The following RASA3 variants were observed in gnomAD, a reference collection of about 807,000 sequenced individuals.
RASA3 encodes ras GTPase-activating protein 3.
Under a neutral mutation model 110.0 loss-of-function variants are expected in RASA3, and 73 were observed. The ratio of observed to expected loss-of-function variants is 0.66; its 90% CI spans 0.55 to 0.81. RASA3 has a LOEUF of 0.81. RASA3 is among the 30% of genes least tolerant of loss of function. RASA3 has a pLI of 0.00. For missense variants in RASA3, 976 were observed against 1,113.2 expected (o/e 0.88, Z 1.75); for synonymous variants, 500 against 451.4 (o/e 1.11, Z -1.37).
intron 21 of RASA3, among the ~76,000 whole-genome samples, chr13:113,995,856 G>GACCCGGCTGACGGGGGGA (rs774135204): frequency 8.0e-5 from 2 of 24,914 alleles, no homozygotes; most frequent in African/African-American, 9.4e-4. Flanking sequence ...CTGACGGGGG[G>GACCCGGCTGACGGGGGGA]CCCGGCTGAT....
At chr13:114,126,932 G>A (rs753255066) in intron 1 of RASA3, among the ~76,000 whole-genome samples, 18 of 151,990 alleles carry the variant, frequency 1.2e-4, no homozygotes, top group East Asian at 1.9e-4. Context: ...CTACGTCCAC[G>A]TCTCCCCCGA....
intron 2 of RASA3, among the ~76,000 whole-genome samples, chr13:114,068,268 C>T (rs1013274596): frequency 5.3e-5 from 8 of 152,242 alleles, no homozygotes; most frequent in African/African-American, 1.9e-4. Flanking sequence ...CCAGCCTCAA[C>T]CCCAGTGGCA....
At chr13:113,989,001 C>G (rs1450187478) in intron 22 of RASA3, among the ~76,000 whole-genome samples, 2 of 149,108 alleles carry the variant, frequency 1.3e-5, no homozygotes, top group Non-Finnish European at 3.0e-5. Flanking sequence ...ACCCATCGGC[C>G]CATCCACCCA....
At chr13:114,121,844 G>A (rs1004359003) in intron 1 of RASA3, among the ~76,000 whole-genome samples, 4 of 152,198 alleles carry the variant, frequency 2.6e-5, no homozygotes, top group African/African-American at 9.7e-5. Flanking sequence ...CCCGCCACAC[G>A]CTCAGGAAGG....
intron 2 of RASA3, among the ~76,000 whole-genome samples, chr13:114,054,157 A>C (rs1381973393): frequency 6.6e-6 from 1 of 152,230 alleles, no homozygotes; most frequent in African/African-American, 2.4e-5. Context: ...AAAAATAAAA[A>C]GTGAAAAGAC....
intron 10 of RASA3, among the ~76,000 whole-genome samples, 167 bp downstream of exon 10, chr13:114,018,596 C>G (rs2053846238): frequency 6.6e-6 from 1 of 152,204 alleles, no homozygotes; most frequent in South Asian, 2.1e-4. Flanking sequence ...CCAGTGCCCC[C>G]AGCAAAGGGG....
rs959301201 is a variant in RASA3 at position 114,114,029 on chromosome 13, C to T, written c.55+18406G>A. On this transcript the variant is annotated intron_variant, in intron 1 of 23. Coordinates refer to ENST00000334062, the MANE Select transcript of RASA3 (RefSeq NM_007368.4). The surrounding 1 kb of genome is among the most constrained non-coding windows in gnomAD (Gnocchi z 4.8). ...GCGTCCATCAGTCCACCCACCATGGCGAGTGATGTCCGTATAGCTCACACC... is the reference window on the plus strand; with the variant it reads ...GCGTCCATCAGTCCACCCACCATGGTGAGTGATGTCCGTATAGCTCACACC... 6.6e-6 allele frequency among the ~76,000 whole-genome samples: 1 copy of T among 151,750 alleles called. No homozygotes were observed. Among genetic ancestry groups the T allele is most frequent in the Non-Finnish European group, 1.5e-5 (1 of 67,964 alleles).
In RASA3 at chr13:114,013,383, C is replaced by CTCTCTCTCTCTCTG. The variant is rs1555328552; in HGVS notation, c.1406-136_1406-135insCAGAGAGAGAGAGA. The CTCTCTCTCTCTCTG allele has an allele frequency of 3.8e-5, 21 of 554,090 alleles. No homozygotes were observed. The South Asian group carries it at 4.2e-4, about 11-fold the overall frequency. 34.3% of individuals were successfully genotyped at this position (554,090 alleles called of 1,614,324 possible). ...GCTCTATCTCCACCTGTGTCTGTCT[C>CTCTCTCTCTCTCTG]TCTCCCTCTCTCTGTTTCCCTCTCT... On this transcript the variant is annotated intron_variant, in intron 14 of 23. Coordinates refer to ENST00000334062, the MANE Select transcript of RASA3 (RefSeq NM_007368.4).
At chr13:114,083,484 T>C (rs1387890090) in intron 1 of RASA3, among the ~76,000 whole-genome samples, 1 of 152,256 alleles carries the variant, frequency 6.6e-6, no homozygotes, top group Non-Finnish European at 1.5e-5. Context: ...CCAGCAGCAA[T>C]GGCGTGCCGT....
chr13:113,992,367 T>G (rs1022976991), intron 22 of RASA3, 118 bp downstream of exon 22: 1 of 721,572 alleles, frequency 1.4e-6, no homozygotes, highest in Non-Finnish European at 2.3e-6. Context: ...CAACTACATG[T>G]AGCCCACACT....
intron 3 of RASA3, among the ~76,000 whole-genome samples, chr13:114,045,338 G>A (rs1165297416): frequency 1.3e-5 from 2 of 152,212 alleles, no homozygotes; most frequent in Non-Finnish European, 2.9e-5. Flanking sequence ...CTCACCACGA[G>A]AGGCCGGAAG....
intron 19 of RASA3, among the ~76,000 whole-genome samples, chr13:114,000,382 A>G (rs1312733235): frequency 2.0e-5 from 3 of 152,050 alleles, no homozygotes; most frequent in South Asian, 2.1e-4. Context: ...TCCCCAGAAC[A>G]TGTTCCCGTT....
chr13:114,052,247 G>T (rs2079157868), intron 2 of RASA3, 92 bp from the exon 3 acceptor site: 2 of 819,770 alleles, frequency 2.4e-6, no homozygotes, highest in Admixed American at 2.1e-5. Context: ...TTTTAAACAT[G>T]CCATAAGAAT....
chr13:114,132,306 G>A (rs1390147576), intron 1 of RASA3, 129 bp downstream of exon 1: 3 of 1,013,100 alleles, frequency 3.0e-6, no homozygotes, highest in Admixed American at 4.1e-5. Flanking sequence ...CCGTTCTCCG[G>A]GGAGCGCGCC....
chr13:114,048,678 G>A lies in RASA3; in HGVS notation c.277+3374C>T, dbSNP rs892775239. ...GGAATCCCGAAGGAGCCTGCGCCCC[G>A]TGTGTCCCGCAGGTCACGGCCCTGC... is the stretch of plus-strand genomic sequence containing the variant. On this transcript the variant is annotated intron_variant, in intron 3 of 23. Transcript: ENST00000334062. This position sits in a 1 kb window ranked among gnomAD's most constrained non-coding sequence, Gnocchi z 4.3. Among the ~76,000 whole-genome samples, 2 of 152,234 alleles carry A rather than the reference G, an allele frequency of 1.3e-5. No individual in the cohort carries two copies. Among genetic ancestry groups the A allele is most frequent in the African/African-American group, 4.8e-5 (2 of 41,460 alleles).
At chr13:114,031,296 T>G (rs1161967220) in intron 4 of RASA3, among the ~76,000 whole-genome samples, 1 of 152,084 alleles carries the variant, frequency 6.6e-6, no homozygotes, top group Non-Finnish European at 1.5e-5. Context: ...TGCCTGTCGG[T>G]GTCTGCCTGT....
intron 18 of RASA3, among the ~76,000 whole-genome samples, chr13:114,005,735 C>T (rs977695606): frequency 1.3e-5 from 2 of 151,948 alleles, no homozygotes; most frequent in Non-Finnish European, 1.5e-5. Context: ...GCCCCCATCC[C>T]TTTCTCCCCT....
chr13:114,045,485 C>T (rs562993492), intron 3 of RASA3, among the ~76,000 whole-genome samples: 8 of 152,206 alleles, frequency 5.3e-5, no homozygotes, highest in Non-Finnish European at 1.2e-4. Flanking sequence ...CACAACTGAG[C>T]AAGAGCTGCC....
chr13:114,087,165 G>A (rs1200117489), intron 1 of RASA3, among the ~76,000 whole-genome samples: 51 of 103,868 alleles, frequency 4.9e-4, no homozygotes, highest in African/African-American at 1.3e-3. Flanking sequence ...GTCCTCGCGG[G>A]GAAATCCCGG....
Sources: allele counts gnomAD v4.1 joint callset (sites outside exome capture counted in the v4.1 genomes callset), GRCh38; gene constraint gnomAD v4.1.1; non-coding constraint Gnocchi (gnomAD v3.1); transcripts MANE v1.5; gene names NCBI Gene and HGNC (gene_info 2026-07-23, HGNC 2026-07-21).